The following RANBP17 variants were observed in gnomAD, a reference collection of about 807,000 sequenced individuals.
The protein encoded by RANBP17 is ran-binding protein 17.
A neutral mutation model predicts 141.2 loss-of-function variants in RANBP17; 158 were observed. The observed-to-expected ratio is 1.12, with a 90% CI of 0.98 to 1.28. The LOEUF (loss-of-function observed/expected upper bound fraction) is 1.28. Among genes scored for constraint, RANBP17 ranks in the 50% most tolerant of loss-of-function variants. The pLI, the probability that RANBP17 is intolerant of heterozygous loss-of-function variation, is 0.00. For missense variants in RANBP17, 1,438 were observed against 1,290.7 expected (o/e 1.11, Z -1.75); for synonymous variants, 430 against 450.0 (o/e 0.96, Z 0.56).
chr5:171,283,600 G>T (rs1251875938), intron 25 of RANBP17, among the ~76,000 whole-genome samples: 3 of 152,134 alleles, frequency 2.0e-5, no homozygotes, highest in Non-Finnish European at 4.4e-5. Flanking sequence ...TTTCTGAAGG[G>T]TCCCATGAAT....
chr5:171,252,106 G>A (rs781120408), intron 24 of RANBP17: 67 of 1,596,860 alleles, frequency 4.2e-5, no homozygotes, highest in East Asian at 1.6e-4. Flanking sequence ...GAAAAAGTTG[G>A]AGTAATACCT....
At chr5:171,217,348 C>G (rs1238607787) in intron 21 of RANBP17, among the ~76,000 whole-genome samples, 1 of 152,152 alleles carries the variant, frequency 6.6e-6, no homozygotes, top group Non-Finnish European at 1.5e-5. Flanking sequence ...CGATGTTCAT[C>G]AGGGATATTG....
At chr5:171,135,768 C>A (rs769093840) in intron 14 of RANBP17, among the ~76,000 whole-genome samples, 2 of 152,050 alleles carry the variant, frequency 1.3e-5, no homozygotes, top group Non-Finnish European at 2.9e-5. Context: ...ATATTGAATT[C>A]TTTGATCATT....
At chr5:170,945,877 T>C (rs1276767570) in intron 12 of RANBP17, among the ~76,000 whole-genome samples, 1 of 152,188 alleles carries the variant, frequency 6.6e-6, no homozygotes, top group Non-Finnish European at 1.5e-5. Flanking sequence ...CAGTCTCATC[T>C]GTGATAAAGA....
Position 171,271,075 on chromosome 5 carries a change from C to CCTTTTTTTTTTT in RANBP17, c.2943+5228_2943+5229insCTTTTTTTTTTT, listed in dbSNP as rs1767076411. On this transcript the variant is annotated intron_variant, in intron 25 of 27. Transcript: ENST00000523189. ...TTTCTCCCTCCTTTTTATGTTATTT[C>CCTTTTTTTTTTT]TTTTTTTTTTTTTTTTTTTTTTTTT... 1.2e-3 allele frequency: 33 copies of CCTTTTTTTTTTT among 27,540 alleles called. 3 individuals carry two copies. The highest frequency in any genetic ancestry group is 1.7e-3 in the Admixed American group (2 of 1,166). 1.7% of individuals were successfully genotyped at this position (27,540 alleles called of 1,614,324 possible).
At chr5:171,054,650 C>T (rs1007732591) in intron 14 of RANBP17, among the ~76,000 whole-genome samples, 7 of 152,102 alleles carry the variant, frequency 4.6e-5, no homozygotes, top group Non-Finnish European at 8.8e-5. Flanking sequence ...TACCTTTTGC[C>T]GACCTTCTGT....
At chr5:171,083,946 A>G (rs1581589790) in intron 14 of RANBP17, among the ~76,000 whole-genome samples, 2 of 133,322 alleles carry the variant, frequency 1.5e-5, no homozygotes, top group South Asian at 3.1e-4. Context: ...TAAATTGCCC[A>G]GTTGTGGTTA....
chr5:171,156,669 A>C (rs1758923731), intron 14 of RANBP17, among the ~76,000 whole-genome samples: 2 of 152,198 alleles, frequency 1.3e-5, no homozygotes, highest in South Asian at 4.1e-4. Context: ...TTTAAAAGGC[A>C]TGTAATTTAT....
intron 18 of RANBP17, among the ~76,000 whole-genome samples, chr5:171,193,496 TTA>T (rs1761781905): frequency 6.6e-6 from 1 of 152,202 alleles, no homozygotes; most frequent in Non-Finnish European, 1.5e-5. Context: ...TGGTTTTCTG[TTA>T]TTATTGCTGT....
intron 14 of RANBP17, among the ~76,000 whole-genome samples, chr5:171,142,721 G>A (rs990215631): frequency 1.3e-5 from 2 of 152,052 alleles, no homozygotes; most frequent in African/African-American, 4.8e-5. Flanking sequence ...TGTCTCAAAG[G>A]CCTACCATGT....
At position 170,924,449 on chromosome 5, in the gene RANBP17, C is replaced by T. The variant is rs761294220; in HGVS notation, c.1367C>T (p.Thr456Ile). 4 of 1,613,394 alleles carry T rather than the reference C, an allele frequency of 2.5e-6. No individual in the cohort carries two copies. Among genetic ancestry groups the T allele is most frequent in the Non-Finnish European group, 3.4e-6 (4 of 1,179,560 alleles). Residue 456 changes from threonine to isoleucine, a missense_variant, in exon 12 of 28, where the codon ACA becomes ATA. Thr to Ile is a moderately conservative substitution (Grantham distance 89). Transcript: ENST00000523189. ...GTCAGCAGATGTGAATATGAAAAGA[C>T]ATGTGCTCTTCTTGTGCAGTTATTC... The part of the protein sequence containing the change: ...CTVSRCEYEK[T>I]CALLVQLFDQ...
intron 24 of RANBP17, among the ~76,000 whole-genome samples, chr5:171,248,587 A>G (rs1262619762): frequency 1.3e-5 from 2 of 152,210 alleles, no homozygotes; most frequent in African/African-American, 4.8e-5. Flanking sequence ...CAACATTAAC[A>G]TGAGCAGTGA....
Position 170,880,132 on chromosome 5 carries a change from TC to T in RANBP17, c.166-1673del, listed in dbSNP as rs1371637622. 6.6e-5 allele frequency among the ~76,000 whole-genome samples: 10 copies of T among 152,328 alleles called. No individual in the cohort carries two copies. The East Asian group carries it at 1.9e-3, about 29-fold the overall frequency. On this transcript the variant is annotated intron_variant, in intron 2 of 27. Transcript: ENST00000523189. ...ATATTGAATTAATGTGTCCTCAACT[TC>T]TTTGGAAATATTCTGTCCTGTAGTT... is the stretch of plus-strand genomic sequence containing the variant.
At chr5:170,870,469 G>C (rs935068988) in intron 1 of RANBP17, among the ~76,000 whole-genome samples, 1 of 151,946 alleles carries the variant, frequency 6.6e-6, no homozygotes, top group Non-Finnish European at 1.5e-5. Flanking sequence ...AACATTTGGT[G>C]TTTGGTTTTC....
chr5:171,242,691 A>C lies in RANBP17; in HGVS notation c.2647A>C (p.Lys883Gln), dbSNP rs1369455739. The change falls in exon 24 of 28, where the codon AAA becomes CAA. Residue 883 changes from lysine to glutamine, a missense_variant. Coordinates refer to ENST00000523189, the MANE Select transcript of RANBP17 (RefSeq NM_022897.5). ...VSHSDLLQYR[K>Q]LSQSYYPLLE... Reference sequence around the variant, plus strand: ...TATCTCTGTGTTGTAGCAATACCGGAAACTGAGCCAGTCTTATTATCCACT... The same window carrying C: ...TATCTCTGTGTTGTAGCAATACCGGCAACTGAGCCAGTCTTATTATCCACT... 1 of 1,613,520 alleles carries C rather than the reference A, an allele frequency of 6.2e-7. No individual in the cohort carries two copies. Among genetic ancestry groups the C allele is most frequent in the African/African-American group, 1.3e-5 (1 of 74,912 alleles).
chr5:170,955,241 T>G (rs1775526789), intron 13 of RANBP17, among the ~76,000 whole-genome samples: 1 of 152,056 alleles, frequency 6.6e-6, no homozygotes, highest in African/African-American at 2.4e-5. Context: ...GTGGTTGAAC[T>G]GCCAGATAGT....
chr5:171,063,708 A>T (rs999825931), intron 14 of RANBP17, among the ~76,000 whole-genome samples: 3 of 152,216 alleles, frequency 2.0e-5, no homozygotes, highest in Admixed American at 6.5e-5. Context: ...AGACAGGGAC[A>T]TTTAAGTCTG....
intron 5 of RANBP17, chr5:170,896,801 C>T (rs1456226751): frequency 2.5e-6 from 1 of 407,932 alleles, no homozygotes; most frequent in African/African-American, 2.1e-5. Context: ...CTGCACTCCA[C>T]CCTGGGTGAC....
At chr5:171,126,164 A>G (rs1268276771) in intron 14 of RANBP17, among the ~76,000 whole-genome samples, 1 of 152,220 alleles carries the variant, frequency 6.6e-6, no homozygotes, top group Admixed American at 6.5e-5. Flanking sequence ...AGTAATGAGA[A>G]GAACTTTGCA....
Sources: allele counts gnomAD v4.1 joint callset (sites outside exome capture counted in the v4.1 genomes callset), GRCh38; gene constraint gnomAD v4.1.1; transcripts MANE v1.5; gene names NCBI Gene and HGNC (gene_info 2026-07-23, HGNC 2026-07-21).